The following XIRP2 variants were observed in gnomAD, a reference collection of about 807,000 sequenced individuals.
XIRP2 encodes the protein xin actin-binding repeat-containing protein 2.
In XIRP2, 236 loss-of-function variants were observed where a neutral mutation model predicts 277.0. The ratio of observed to expected loss-of-function variants is 0.85; its 90% CI spans 0.77 to 0.95. The LOEUF (loss-of-function observed/expected upper bound fraction) is 0.95. XIRP2 is among the 40% of genes least tolerant of loss of function. The pLI, the probability that XIRP2 is intolerant of heterozygous loss-of-function variation, is 0.00. For synonymous variants in XIRP2, 1,490 were observed against 1,416.5 expected, an observed-to-expected ratio of 1.05 and a Z score of -1.17; for missense variants, 4,640 against 4,157.5, an observed-to-expected ratio of 1.12 and a Z score of -3.19.
chr2:167,173,876 G>A (rs1022970409), intron 3 of XIRP2, among the ~76,000 whole-genome samples: 2 of 152,128 alleles, frequency 1.3e-5, no homozygotes, highest in Non-Finnish European at 2.9e-5. Flanking sequence ...GTGATGGTGA[G>A]CACTTTTTCA....
At chr2:166,893,350 C>A (rs1274938020) in intron 1 of XIRP2, among the ~76,000 whole-genome samples, 1 of 152,106 alleles carries the variant, frequency 6.6e-6, no homozygotes, top group Non-Finnish European at 1.5e-5. Context: ...AATCCCAATA[C>A]ACCAAAAAAA....
At chr2:167,087,468 A>C (rs1045075013) in intron 2 of XIRP2, among the ~76,000 whole-genome samples, 8 of 152,148 alleles carry the variant, frequency 5.3e-5, no homozygotes, top group African/African-American at 1.9e-4. Flanking sequence ...GGTGGGCTCC[A>C]CCCAGTTCGA....
At chr2:166,934,454 A>C (rs1355723361) in intron 2 of XIRP2, among the ~76,000 whole-genome samples, 1 of 152,156 alleles carries the variant, frequency 6.6e-6, no homozygotes, top group African/African-American at 2.4e-5. Context: ...ATAAGAATGC[A>C]CTCATAGCTG....
At chr2:166,970,573 T>C (rs1686552487) in intron 2 of XIRP2, among the ~76,000 whole-genome samples, 1 of 151,944 alleles carries the variant, frequency 6.6e-6, no homozygotes, top group Admixed American at 6.6e-5. Context: ...CATGAACTAT[T>C]CTCATTTCTA....
intron 2 of XIRP2, among the ~76,000 whole-genome samples, chr2:167,039,181 T>C (rs1351842119): frequency 6.6e-6 from 1 of 152,108 alleles, no homozygotes; most frequent in Admixed American, 6.5e-5. Context: ...AGGACAACTC[T>C]AAAGAACCAC....
intron 2 of XIRP2, among the ~76,000 whole-genome samples, chr2:167,032,697 C>G (rs1488195574): frequency 1.3e-5 from 2 of 152,088 alleles, no homozygotes; most frequent in South Asian, 2.1e-4. Flanking sequence ...TGAAAAAAAG[C>G]TCATCATCAC....
intron 1 of XIRP2, among the ~76,000 whole-genome samples, chr2:166,893,999 T>C (rs1177950362): frequency 6.6e-6 from 1 of 152,136 alleles, no homozygotes; most frequent in Non-Finnish European, 1.5e-5. Flanking sequence ...CATTTGGTAG[T>C]TTTTCTTCTC....
intron 2 of XIRP2, among the ~76,000 whole-genome samples, chr2:167,025,516 T>C (rs2105493297): frequency 6.6e-6 from 1 of 151,840 alleles, no homozygotes; most frequent in South Asian, 2.1e-4. Flanking sequence ...GTGTTTGCTC[T>C]TGCTTTTCTA....
chr2:166,968,112 G>A (rs1686476505), intron 2 of XIRP2, among the ~76,000 whole-genome samples: 1 of 151,900 alleles, frequency 6.6e-6, no homozygotes, highest in African/African-American at 2.4e-5. Context: ...ACATATAGAA[G>A]AAGGTATCAG....
At chr2:167,108,632 T>C (rs1334114946) in intron 2 of XIRP2, among the ~76,000 whole-genome samples, 1 of 152,090 alleles carries the variant, frequency 6.6e-6, no homozygotes, top group African/African-American at 2.4e-5. Context: ...AGTGGAATGG[T>C]AAATCGTTTA....
chr2:167,143,139 A>G (rs931128893), intron 3 of XIRP2, among the ~76,000 whole-genome samples: 1 of 151,766 alleles, frequency 6.6e-6, no homozygotes, highest in African/African-American at 2.4e-5. Flanking sequence ...AAATTCAGCA[A>G]ATATTTACTG....
chr2:166,980,563 C>A (rs1005091070), intron 2 of XIRP2, among the ~76,000 whole-genome samples: 2 of 151,996 alleles, frequency 1.3e-5, no homozygotes, highest in African/African-American at 4.8e-5. Context: ...ATTACAGGCA[C>A]CCGCCACCAC....
At chr2:167,041,742 G>T (rs938780865) in intron 2 of XIRP2, among the ~76,000 whole-genome samples, 20 of 152,094 alleles carry the variant, frequency 1.3e-4, no homozygotes, top group African/African-American at 3.6e-4. Context: ...GAGAGAGAGA[G>T]GGCACGTGTG....
intron 2 of XIRP2, among the ~76,000 whole-genome samples, chr2:167,027,084 T>C (rs2105496769): frequency 6.6e-6 from 1 of 152,306 alleles, no homozygotes; most frequent in South Asian, 2.1e-4. Flanking sequence ...TCCTGGATAA[T>C]ATCCTGCAGA....
chr2:167,155,168 C>T (rs1490692868), intron 3 of XIRP2, among the ~76,000 whole-genome samples: 2 of 150,360 alleles, frequency 1.3e-5, no homozygotes, highest in African/African-American at 4.9e-5. Flanking sequence ...ACCAGAGGTA[C>T]AAGGAGGAAC....
chr2:167,079,596 T>G (rs1300512642), intron 2 of XIRP2, among the ~76,000 whole-genome samples: 1 of 152,116 alleles, frequency 6.6e-6, no homozygotes, highest in African/African-American at 2.4e-5. Flanking sequence ...ATTTATCCAT[T>G]TCCTCTCAAC....
rs770609827 is a variant in XIRP2, at chr2:167,243,778, T to A, written c.2386T>A (p.Ser796Thr). 1 of 1,613,960 alleles carries A rather than the reference T, an allele frequency of 6.2e-7. No individual in the cohort carries two copies. Among genetic ancestry groups the A allele is most frequent in the Non-Finnish European group, 8.5e-7 (1 of 1,179,938 alleles). The change falls in exon 9 of 11, where the codon TCC becomes ACC. Residue 796 changes from serine to threonine, a missense_variant. Coordinates refer to ENST00000409195, the MANE Select transcript of XIRP2 (RefSeq NM_152381.6). ...AGAAATTAAAGTTGTCCGAGGAATATCCATGGAAGAAAATGTCAAAGGTGG... is the reference window on the plus strand; with the variant it reads ...AGAAATTAAAGTTGTCCGAGGAATAACCATGGAAGAAAATGTCAAAGGTGG... ...ITEIKVVRGI[S>T]MEENVKGGVS...
chr2:166,899,458 A>G lies in XIRP2; in HGVS notation c.-18-4007A>G, dbSNP rs144006256. 4.8e-3 allele frequency among the ~76,000 whole-genome samples: 725 copies of G among 152,212 alleles called. 4 individuals carry two copies. The highest frequency in any genetic ancestry group is 0.016 in the African/African-American group (679 of 41,552). On this transcript the variant is annotated intron_variant, in intron 1 of 10. Coordinates refer to ENST00000409195, the MANE Select transcript of XIRP2 (RefSeq NM_152381.6). ...ATTTCTTCATGATTTTCCTCTTTCT[A>G]TTCTTTCTTCCTTCCTGATATTTCA...
At chr2:167,155,067 A>G (rs1409383892) in intron 3 of XIRP2, among the ~76,000 whole-genome samples, 1 of 151,734 alleles carries the variant, frequency 6.6e-6, no homozygotes, top group African/African-American at 2.4e-5. Context: ...ATCTCTGAAT[A>G]GACCAATAAC....
Sources: gnomAD v4.1 joint callset for allele counts (sites outside exome capture counted in the v4.1 genomes callset) on GRCh38, gnomAD v4.1.1 for gene constraint, MANE v1.5 for transcripts, NCBI Gene and HGNC (gene_info 2026-07-23, HGNC 2026-07-21) for gene names.